The following FAP variants were observed in gnomAD, a reference collection of about 807,000 sequenced individuals.
FAP encodes the protein prolyl endopeptidase FAP.
In FAP, 110 loss-of-function variants were observed where a neutral mutation model predicts 126.5. The ratio of observed to expected loss-of-function variants is 0.87; its 90% CI spans 0.74 to 1.02. The LOEUF is 1.02. FAP is among the 50% of genes least tolerant of loss of function. The pLI, the probability that FAP is intolerant of heterozygous loss-of-function variation, is 0.00. For missense variants in FAP, 919 were observed against 909.2 expected, an observed-to-expected ratio of 1.01 and a Z score of -0.14; for synonymous variants, 334 against 297.3, an observed-to-expected ratio of 1.12 and a Z score of -1.27.
chr2:162,200,255 T>A (rs533473116), intron 15 of FAP, among the ~76,000 whole-genome samples: 1 of 152,296 alleles, frequency 6.6e-6, no homozygotes, highest in Admixed American at 6.5e-5. Context: ...TCAACAAATG[T>A]GTGTTAAATA....
chr2:162,181,748 T>A (rs369161888), intron 21 of FAP, among the ~76,000 whole-genome samples: 2 of 152,332 alleles, frequency 1.3e-5, no homozygotes, highest in African/African-American at 4.8e-5. Flanking sequence ...GACTACGACT[T>A]ACTCATCTTT....
intron 2 of FAP, among the ~76,000 whole-genome samples, chr2:162,233,624 T>A (rs1329037693): frequency 1.3e-5 from 2 of 152,144 alleles, no homozygotes; most frequent in African/African-American, 2.4e-5. Context: ...TGCATGGCCT[T>A]TATCGAATAT....
At chr2:162,213,789 C>A in intron 11 of FAP, 149 bp downstream of exon 11, 3 of 587,400 alleles carry the variant, frequency 5.1e-6, no homozygotes, top group East Asian at 2.9e-5. Context: ...AATGATGGAC[C>A]CATGAATACT....
intron 21 of FAP, among the ~76,000 whole-genome samples, chr2:162,178,576 A>G (rs1687570595): frequency 5.3e-5 from 8 of 152,200 alleles, no homozygotes; most frequent in Admixed American, 5.2e-4. Flanking sequence ...CTTCTTAGGC[A>G]CTGTGGTGGG....
At chr2:162,222,176 A>G (rs1689431532) in intron 6 of FAP, among the ~76,000 whole-genome samples, 2 of 152,228 alleles carry the variant, frequency 1.3e-5, no homozygotes, top group Admixed American at 1.3e-4. Context: ...CAAAATGATT[A>G]AAAGAAAAAC....
chr2:162,210,258 T>C (rs1196364115), intron 11 of FAP, among the ~76,000 whole-genome samples: 2 of 152,196 alleles, frequency 1.3e-5, no homozygotes, highest in Non-Finnish European at 2.9e-5. Flanking sequence ...TATCACAACA[T>C]CTATGGAGGC....
At chr2:162,179,969 T>C (rs976814802) in intron 21 of FAP, among the ~76,000 whole-genome samples, 2 of 151,864 alleles carry the variant, frequency 1.3e-5, no homozygotes, top group African/African-American at 4.8e-5. Context: ...CCACCATGCC[T>C]GGCTAAGTTT....
chr2:162,189,059 T>C, intron 19 of FAP, 44 bp downstream of exon 19: 1 of 1,230,836 alleles, frequency 8.1e-7, no homozygotes, highest in East Asian at 2.4e-5. Context: ...TCATCTAACA[T>C]ATTTTCAGTA....
chr2:162,171,779 T>C (rs1353115264), intron 25 of FAP: 1 of 151,446 alleles, frequency 6.6e-6, no homozygotes, highest in Admixed American at 6.6e-5. Flanking sequence ...TTGTATATTT[T>C]TAAAAATTTG....
At chr2:162,229,550 A>G (rs573603015) in intron 2 of FAP, among the ~76,000 whole-genome samples, 5 of 152,296 alleles carry the variant, frequency 3.3e-5, no homozygotes, top group African/African-American at 1.2e-4. Flanking sequence ...AATTAAAATC[A>G]TAAGTGCAAT....
intron 14 of FAP, 92 bp from the exon 15 acceptor site, chr2:162,200,711 G>A (rs1688463608): frequency 3.5e-6 from 2 of 576,400 alleles, no homozygotes; most frequent in Admixed American, 7.3e-5. Flanking sequence ...ATATAGGTAA[G>A]CATTTATCTA....
chr2:162,221,418 A>T (rs1264044048), intron 6 of FAP, among the ~76,000 whole-genome samples: 5 of 151,870 alleles, frequency 3.3e-5, no homozygotes, highest in Non-Finnish European at 7.4e-5. Context: ...CTAGCTACTT[A>T]GGAGGCTGAG....
At chr2:162,219,297 T>C (rs574650135) in intron 7 of FAP, 114 bp from the exon 8 acceptor site, 16 of 1,007,908 alleles carry the variant, frequency 1.6e-5, no homozygotes, top group Middle Eastern at 3.2e-4. Flanking sequence ...ACAAAAAAGA[T>C]TCACAACTAA....
At chr2:162,227,940 G>A (rs759762207) in intron 2 of FAP, among the ~76,000 whole-genome samples, 11 of 151,954 alleles carry the variant, frequency 7.2e-5, no homozygotes, top group Admixed American at 2.0e-4. Context: ...ATACATTTCC[G>A]TAGAGCATGT....
chr2:162,184,849 C>G (rs1687808805), intron 20 of FAP, among the ~76,000 whole-genome samples: 1 of 152,056 alleles, frequency 6.6e-6, no homozygotes, highest in Non-Finnish European at 1.5e-5. Context: ...TATGATCTCC[C>G]AGAAGCCAAC....
Position 162,215,974 on chromosome 2 carries a change from T to C in FAP, c.790A>G (p.Ile264Val). The change falls in exon 10 of 26, where the codon ATA (isoleucine) becomes GTA (valine). Residue 264 changes from isoleucine to valine, a missense_variant. Physicochemically the swap from Ile to Val is conservative, Grantham distance 29. Transcript: ENST00000188790. ...GGGTAAGTGGTATCGATAATAAATA[T>C]CCGAACAACGGGATTCTTAGCTCCA... Reference protein sequence around the residue: ...KAGAKNPVVRIFIIDTTYPAY... With the variant: ...KAGAKNPVVRVFIIDTTYPAY... The C allele has an allele frequency of 6.2e-7, 1 of 1,614,034 alleles. No homozygotes were observed. The highest frequency in any genetic ancestry group is 8.5e-7 in the Non-Finnish European group (1 of 1,179,954).
At chr2:162,197,773 A>G in intron 16 of FAP, 1 of 384,832 alleles carries the variant, frequency 2.6e-6, no homozygotes, top group South Asian at 2.0e-5. Context: ...CAAAGATTCC[A>G]TTTGTTCTTT....
intron 12 of FAP, among the ~76,000 whole-genome samples, chr2:162,204,635 G>A (rs910016276): frequency 1.3e-5 from 2 of 152,118 alleles, no homozygotes; most frequent in African/African-American, 4.8e-5. Context: ...AGACAGGGAG[G>A]ATTCTTCTCT....
At chr2:162,243,148 T>A in intron 1 of FAP, 156 bp from the exon 2 acceptor site, 1 of 800,818 alleles carries the variant, frequency 1.2e-6, no homozygotes, top group Non-Finnish European at 2.0e-6. Flanking sequence ...TTCTTCCAGC[T>A]CTGCAAGGAC....
Sources: gnomAD v4.1 joint callset for allele counts (sites outside exome capture counted in the v4.1 genomes callset) on GRCh38, gnomAD v4.1.1 for gene constraint, MANE v1.5 for transcripts, NCBI Gene and HGNC (gene_info 2026-07-23, HGNC 2026-07-21) for gene names.